SELP: variants seen among roughly 807,000 people sequenced by gnomAD.
SELP encodes selectin P.
A neutral mutation model predicts 104.1 loss-of-function variants in SELP; 92 were observed. The observed-to-expected ratio is 0.88, with a 90% CI of 0.75 to 1.05. SELP has a LOEUF of 1.05. Among genes scored for constraint, SELP ranks in the 50% least tolerant of loss-of-function variants. The pLI is 0.00. For synonymous variants in SELP, 397 were observed against 364.5 expected (o/e 1.09, Z -1.01); for missense variants, 1,022 against 1,017.3 (o/e 1.00, Z -0.06).
intron 5 of SELP, 86 bp from the exon 6 acceptor site, chr1:169,612,488 C>T (rs1215304694): frequency 1.5e-6 from 2 of 1,318,258 alleles, no homozygotes; most frequent in Non-Finnish European, 2.1e-6. Flanking sequence ...GCAGCAGTCA[C>T]ACCTTCCCAA....
In SELP at chr1:169,624,045, T is replaced by A. The variant is rs191193124; in HGVS notation, c.4-4826A>T. Among the ~76,000 whole-genome samples, 4 of 152,350 alleles carry A rather than the reference T, an allele frequency of 2.6e-5. No individual in the cohort carries two copies. In the South Asian group the frequency reaches 8.3e-4, roughly 32 times the overall value. On this transcript the variant is annotated intron_variant, in intron 1 of 16. Transcript: ENST00000263686. ...CTCAGATGGTTCATGACCTACTAAG[T>A]CTGTCCATGTTTAATGTGGCCCAAG...
intron 10 of SELP, among the ~76,000 whole-genome samples, chr1:169,600,817 G>A (rs1031640455): frequency 7.2e-5 from 11 of 152,340 alleles, no homozygotes; most frequent in African/African-American, 2.6e-4. Context: ...GAACGAAGAA[G>A]AAACACAAAT....
rs1311977573 is a variant in SELP, at chr1:169,612,392, G to A, written c.786C>T (p.Cys262=). The part of the protein sequence containing the change: ...NKPPQCLAAQ[C]PPLKIPERGN... ...CTCGTTCAGGAATCTTCAGGGGTGG[G>A]CACTGGGCAGCTAAAACCAACCACA... is the stretch of plus-strand genomic sequence containing the variant. Residue 262 remains cysteine (C), a synonymous_variant, in exon 6 of 17, where the codon TGC becomes TGT. Transcript: ENST00000263686. 7 of 1,614,030 alleles carry A rather than the reference G, an allele frequency of 4.3e-6. No individual in the cohort carries two copies. Among genetic ancestry groups the A allele is most frequent in the Non-Finnish European group, 5.9e-6 (7 of 1,179,954 alleles).
rs1412597464 is a variant in SELP, at chr1:169,609,492, C to G, written c.1333+12G>C. ...TGAGACACACAGAAAAACATTACCA[C>G]TGTTACAGTACCTTGACAGACTGGG... On this transcript the variant is annotated intron_variant, in intron 8 of 16. Transcript: ENST00000263686. 6.2e-7 allele frequency: 1 copy of G among 1,606,346 alleles called. No homozygotes were observed. The highest frequency in any genetic ancestry group is 8.5e-7 in the Non-Finnish European group (1 of 1,175,736).
chr1:169,619,336 A>G (rs1557971394), intron 1 of SELP, 117 bp from the exon 2 acceptor site: 2 of 743,520 alleles, frequency 2.7e-6, no homozygotes, highest in Non-Finnish European at 4.5e-6. Flanking sequence ...CCACTGGAAG[A>G]GTGGTTCAAG....
In SELP at chr1:169,590,211, C is replaced by G. The variant is rs1661284629; in HGVS notation, c.2439-9G>C. On this transcript the variant is annotated splice_polypyrimidine_tract_variant and intron_variant, in intron 15 of 16. Coordinates refer to ENST00000263686, the MANE Select transcript of SELP (RefSeq NM_003005.4). ...CATATGTTCCTAGGTGGCTAAAGAACAGAAACACAAGGATGGCAACAATAT... is the reference window on the plus strand; with the variant it reads ...CATATGTTCCTAGGTGGCTAAAGAAGAGAAACACAAGGATGGCAACAATAT... The G allele has an allele frequency of 6.2e-7, 1 of 1,610,286 alleles. No individual in the cohort carries two copies. Among genetic ancestry groups the G allele is most frequent in the Non-Finnish European group, 8.5e-7 (1 of 1,176,788 alleles).
chr1:169,610,676 G>A (rs1662475708), intron 7 of SELP, among the ~76,000 whole-genome samples: 1 of 152,074 alleles, frequency 6.6e-6, no homozygotes, highest in African/African-American at 2.4e-5. Context: ...CTATTCGGGA[G>A]GCTGAGGCAG....
intron 1 of SELP, among the ~76,000 whole-genome samples, chr1:169,625,437 A>G (rs1226496349): frequency 6.6e-6 from 1 of 152,078 alleles, no homozygotes. Flanking sequence ...TGACCTCCTT[A>G]TGGTCATCTG....
At chr1:169,617,612 T>C (rs762305094) in intron 2 of SELP, among the ~76,000 whole-genome samples, 198 bp from the exon 3 acceptor site, 19 of 152,204 alleles carry the variant, frequency 1.2e-4, no homozygotes, top group Admixed American at 3.9e-4. Flanking sequence ...GTGAATGATG[T>C]CAGAATAGGA....
At chr1:169,629,545 A>C (rs944093123) in intron 1 of SELP, among the ~76,000 whole-genome samples, 40 of 152,276 alleles carry the variant, frequency 2.6e-4, no homozygotes, top group African/African-American at 8.9e-4. Context: ...ATTCCAGATC[A>C]GTCCCAGAAG....
intron 9 of SELP, among the ~76,000 whole-genome samples, chr1:169,605,816 G>T (rs1157648322): frequency 6.6e-6 from 1 of 152,020 alleles, no homozygotes; most frequent in Non-Finnish European, 1.5e-5. Context: ...TTATATTTCT[G>T]CAGATTTTTA....
chr1:169,610,964 TA>T (rs750684667), intron 7 of SELP, among the ~76,000 whole-genome samples: 3 of 152,172 alleles, frequency 2.0e-5, no homozygotes, highest in Non-Finnish European at 4.4e-5. Flanking sequence ...GGGAATTCAC[TA>T]ATCTATCGTA....
At chr1:169,599,018 G>T (rs1228555290) in intron 10 of SELP, among the ~76,000 whole-genome samples, 1 of 152,106 alleles carries the variant, frequency 6.6e-6, no homozygotes, top group African/African-American at 2.4e-5. Flanking sequence ...GCTCAGCCAA[G>T]GTTACATATC....
intron 1 of SELP, among the ~76,000 whole-genome samples, chr1:169,623,946 A>G (rs769637273): frequency 6.6e-6 from 1 of 152,202 alleles, no homozygotes; most frequent in Non-Finnish European, 1.5e-5. Flanking sequence ...AGGGCTTATG[A>G]ATTTTGAAAA....
At chr1:169,620,635 A>G (rs1197468909) in intron 1 of SELP, among the ~76,000 whole-genome samples, 1 of 152,054 alleles carries the variant, frequency 6.6e-6, no homozygotes, top group Non-Finnish European at 1.5e-5. Context: ...TCAGACCACA[A>G]TTTGGTCTGT....
At chr1:169,601,149 A>G (rs1661891897) in intron 10 of SELP, among the ~76,000 whole-genome samples, 1 of 152,240 alleles carries the variant, frequency 6.6e-6, no homozygotes, top group South Asian at 2.1e-4. Context: ...AGAAATGTCA[A>G]TGGAATAAAT....
chr1:169,594,607 C>A, intron 13 of SELP, 85 bp downstream of exon 13: 1 of 1,340,644 alleles, frequency 7.5e-7, no homozygotes, highest in Non-Finnish European at 1.0e-6. Flanking sequence ...AAAGCAAGAC[C>A]ACTATGAGAA....
At chr1:169,596,813 CA>C (rs1661639079) in intron 11 of SELP, among the ~76,000 whole-genome samples, 177 bp downstream of exon 11, 1 of 152,224 alleles carries the variant, frequency 6.6e-6, no homozygotes, top group Non-Finnish European at 1.5e-5. Flanking sequence ...CTTTTATTCA[CA>C]AACATAAAAA....
At chr1:169,627,870 G>A (rs1663453238) in intron 1 of SELP, among the ~76,000 whole-genome samples, 1 of 152,158 alleles carries the variant, frequency 6.6e-6, no homozygotes, top group African/African-American at 2.4e-5. Flanking sequence ...CGAAAATCCA[G>A]ACCTGCTCCT....
Sources: gnomAD v4.1 joint callset for allele counts (sites outside exome capture counted in the v4.1 genomes callset) on GRCh38, gnomAD v4.1.1 for gene constraint, MANE v1.5 for transcripts, NCBI Gene and HGNC (gene_info 2026-07-23, HGNC 2026-07-21) for gene names.